Variants in ADAMTS17 observed in about 807,000 individuals in gnomAD.
ADAMTS17 encodes A disintegrin and metalloproteinase with thrombospondin motifs 17.
In ADAMTS17, 113 loss-of-function variants were observed where a neutral mutation model predicts 141.5. The observed-to-expected ratio is 0.80, with a 90% CI of 0.69 to 0.93. The LOEUF (loss-of-function observed/expected upper bound fraction) is 0.93. Ranked by LOEUF, ADAMTS17 falls within the 40% of genes least tolerant of loss-of-function variation. ADAMTS17 has a pLI of 0.00. For synonymous variants in ADAMTS17, 768 were observed against 630.6 expected, an observed-to-expected ratio of 1.22 and a Z score of -3.27; for missense variants, 1,659 against 1,517.9, an observed-to-expected ratio of 1.09 and a Z score of -1.54.
In ADAMTS17 at chr15:100,330,865, G is replaced by A. The variant is rs768924198; in HGVS notation, c.616+24C>T. The A allele has an allele frequency of 2.5e-6, 4 of 1,613,476 alleles. No homozygotes were observed. In the African/African-American group the frequency reaches 5.3e-5, roughly 22 times the overall value. On this transcript the variant is annotated intron_variant, in intron 3 of 21. Coordinates refer to ENST00000268070, the MANE Select transcript of ADAMTS17 (RefSeq NM_139057.4). ...GTGGGCTGTGCGTGTGTTCTAAGCTGGTCATGCTGCTGCCCCGACTCACCT... is the reference window on the plus strand; with the variant it reads ...GTGGGCTGTGCGTGTGTTCTAAGCTAGTCATGCTGCTGCCCCGACTCACCT...
chr15:100,241,103 A>C (rs1413489858), intron 7 of ADAMTS17, among the ~76,000 whole-genome samples: 2 of 152,084 alleles, frequency 1.3e-5, no homozygotes, highest in African/African-American at 4.8e-5. Flanking sequence ...GGATTACAGA[A>C]GTGAGCCCCT....
Position 100,102,857 on chromosome 15 carries a change from C to T in ADAMTS17, c.2016+6132G>A, listed in dbSNP as rs550065757. Reference sequence around the variant, plus strand: ...TGAGTGTGGGATCAGACACCATGAGCATGCCGATGCACCCTCGGACTTGTT... The same window carrying T: ...TGAGTGTGGGATCAGACACCATGAGTATGCCGATGCACCCTCGGACTTGTT... On this transcript the variant is annotated intron_variant, in intron 14 of 21. Transcript: ENST00000268070. Among the ~76,000 whole-genome samples, 57 of 152,270 alleles carry T rather than the reference C, an allele frequency of 3.7e-4. No individual in the cohort carries two copies. The South Asian group carries it at 0.012, about 31-fold the overall frequency.
chr15:100,340,890 G>A (rs2046343462), intron 2 of ADAMTS17, 149 bp downstream of exon 2: 3 of 1,238,952 alleles, frequency 2.4e-6, no homozygotes, highest in Non-Finnish European at 3.4e-6. Context: ...CGGGGTGGGG[G>A]ATGGGGAGAG....
chr15:100,165,336 G>A (rs185246643), intron 8 of ADAMTS17, among the ~76,000 whole-genome samples: 1 of 152,166 alleles, frequency 6.6e-6, no homozygotes. Flanking sequence ...TGAGCACCTA[G>A]GTCTATGTAA....
Position 99,976,110 on chromosome 15 carries a change from CTG to C in ADAMTS17, c.3060_3061del (p.Tyr1020Ter), listed in dbSNP as rs2060320021. On this transcript the variant is annotated stop_gained and frameshift_variant, in exon 21 of 22. Coordinates refer to ENST00000268070, the MANE Select transcript of ADAMTS17 (RefSeq NM_139057.4). LOFTEE classifies it high-confidence loss of function. Reference sequence around the variant, plus strand: ...GTTGCAGACCTCCTGGTAGCACTGTCTGTAGGGGGCAGGCTTCGAGAGGGCGG... The same window carrying C: ...GTTGCAGACCTCCTGGTAGCACTGTCTAGGGGGCAGGCTTCGAGAGGGCGG... 1 of 1,551,454 alleles carries C rather than the reference CTG, an allele frequency of 6.4e-7. No homozygotes were observed. Among genetic ancestry groups the C allele is most frequent in the Non-Finnish European group, 8.7e-7 (1 of 1,146,996 alleles).
intron 20 of ADAMTS17, 123 bp from the exon 21 acceptor site, chr15:99,976,345 C>A: frequency 1.6e-6 from 2 of 1,273,752 alleles, no homozygotes; most frequent in East Asian, 5.0e-5. Context: ...GGTCAGGGGG[C>A]TGGGATGATG....
At chr15:100,089,990 AT>A (rs201938363) in intron 15 of ADAMTS17, among the ~76,000 whole-genome samples, 1 of 127,882 alleles carries the variant, frequency 7.8e-6, no homozygotes, top group Non-Finnish European at 1.5e-5. Flanking sequence ...TAATAATAAA[AT>A]TAAAAAAAAA....
intron 14 of ADAMTS17, among the ~76,000 whole-genome samples, chr15:100,100,464 C>T (rs1339607469): frequency 4.6e-5 from 7 of 152,180 alleles, no homozygotes; most frequent in Non-Finnish European, 7.3e-5. Flanking sequence ...ACTTTCAATG[C>T]GACAGCTTCT....
At position 100,252,309 on chromosome 15, in the gene ADAMTS17, T is replaced by C. The variant is rs185321828; in HGVS notation, c.1075+1827A>G. ...TTCATTCATTCATTCATTCATTCAG[T>C]TCTTCATTTAATCAACCAACCAACA... On this transcript the variant is annotated intron_variant, in intron 7 of 21. Coordinates refer to ENST00000268070, the MANE Select transcript of ADAMTS17 (RefSeq NM_139057.4). 9.7e-4 allele frequency among the ~76,000 whole-genome samples: 148 copies of C among 152,260 alleles called. 1 individual carries two copies. Among genetic ancestry groups the C allele is most frequent in the Middle Eastern group, 3.4e-3 (1 of 294 alleles).
At position 99,997,481 on chromosome 15, in the gene ADAMTS17, C is replaced by T. The variant is rs149373184; in HGVS notation, c.2700G>A (p.Thr900=). The change falls in exon 19 of 22, where the codon ACG becomes ACA. Residue 900 remains threonine (T), a synonymous_variant. Transcript: ENST00000268070. The surrounding 1 kb of genome is among the most constrained non-coding windows in gnomAD (Gnocchi z 4.7). The stretch of plus-strand genomic sequence containing the variant: ...GGGGGCCCGGGCAGTAGAGGGGCCG[C>T]GTAGCGACGTGTGTGCCGTTCTGCA... ...YQLQNGTHVA[T]RPLYCPGPRP... The T allele has an allele frequency of 1.0e-3, 1,628 of 1,613,534 alleles. 10 individuals carry two copies. In the African/African-American group the frequency reaches 0.018, roughly 18 times the overall value.
At chr15:100,148,478 T>C (rs2039012177) in intron 10 of ADAMTS17, among the ~76,000 whole-genome samples, 1 of 152,164 alleles carries the variant, frequency 6.6e-6, no homozygotes. Context: ...ACATGTAATT[T>C]TGAAAGATAT....
intron 10 of ADAMTS17, among the ~76,000 whole-genome samples, chr15:100,147,517 A>G (rs1283297472): frequency 2.0e-5 from 3 of 152,188 alleles, no homozygotes; most frequent in Admixed American, 2.0e-4. Flanking sequence ...GCTGTAGGCA[A>G]CTGTAACACA....
At chr15:100,172,651 T>C (rs183001783) in intron 8 of ADAMTS17, among the ~76,000 whole-genome samples, 38 of 152,314 alleles carry the variant, frequency 2.5e-4, no homozygotes, top group Non-Finnish European at 4.4e-4. Flanking sequence ...CTTAGACCCC[T>C]GCTCTCTTTA....
chr15:100,254,781 G>C (rs1029369888), intron 6 of ADAMTS17, among the ~76,000 whole-genome samples: 1 of 152,174 alleles, frequency 6.6e-6, no homozygotes, highest in Non-Finnish European at 1.5e-5. Context: ...ACTTGTAAGT[G>C]GGAGCTGAAT....
At chr15:100,100,592 G>A (rs971936531) in intron 14 of ADAMTS17, among the ~76,000 whole-genome samples, 13 of 151,166 alleles carry the variant, frequency 8.6e-5, no homozygotes, top group African/African-American at 2.9e-4. Flanking sequence ...TTCTATTTTG[G>A]GATGTACCCA....
chr15:100,209,605 A>T (rs2041722989), intron 7 of ADAMTS17, among the ~76,000 whole-genome samples: 1 of 150,582 alleles, frequency 6.6e-6, no homozygotes, highest in Non-Finnish European at 1.5e-5. Context: ...ATTTTATTAA[A>T]AAAAAAAAAA....
chr15:100,316,727 G>A (rs558586362), intron 3 of ADAMTS17, among the ~76,000 whole-genome samples: 17 of 152,340 alleles, frequency 1.1e-4, no homozygotes, highest in Non-Finnish European at 2.2e-4. Flanking sequence ...GCATTTGCAT[G>A]AGTTCATTTA....
intron 7 of ADAMTS17, among the ~76,000 whole-genome samples, chr15:100,211,099 CAAATAAATAAATAAAT>C (rs372084235): frequency 0.011 from 1,440 of 131,882 alleles, 25 homozygotes; most frequent in African/African-American, 0.037. Context: ...GACTCAGTCT[CAAATAAATAAATAAAT>C]AAATAAATAA....
At chr15:100,174,636 A>T (rs1219163519) in intron 8 of ADAMTS17, among the ~76,000 whole-genome samples, 5 of 152,192 alleles carry the variant, frequency 3.3e-5, no homozygotes, top group Non-Finnish European at 7.3e-5. Context: ...TCTTGCAGTA[A>T]TCACTGCTGC....
Sources: gnomAD v4.1 joint callset for allele counts (sites outside exome capture counted in the v4.1 genomes callset) on GRCh38, gnomAD v4.1.1 for gene constraint, Gnocchi (gnomAD v3.1) non-coding constraint, MANE v1.5 for transcripts, NCBI Gene and HGNC (gene_info 2026-07-23, HGNC 2026-07-21) for gene names.